Variants in PI4KA observed in about 807,000 individuals in gnomAD.
PI4KA encodes PI4-kinase alpha.
In PI4KA, 122 loss-of-function variants were observed where a neutral mutation model predicts 271.4. The ratio of observed to expected loss-of-function variants is 0.45; its 90% confidence interval spans 0.39 to 0.52. PI4KA has a LOEUF of 0.52. Among genes scored for constraint, PI4KA ranks in the 20% least tolerant of loss-of-function variants. The pLI is 0.00. For synonymous variants in PI4KA, 1,041 were observed against 1,078.8 expected (o/e 0.96, Z 0.69); for missense variants, 1,969 against 2,769.1 (o/e 0.71, Z 6.48).
chr22:20,710,889 G>C, intron 51 of PI4KA, 31 bp from the exon 52 acceptor site: 3 of 1,609,414 alleles, frequency 1.9e-6, no homozygotes, highest in Non-Finnish European at 2.5e-6. Context: ...GCCTGTGACT[G>C]GGTAGGAGCC....
intron 4 of PI4KA, 35 bp from the exon 5 acceptor site, chr22:20,820,646 T>C: frequency 1.4e-6 from 2 of 1,393,690 alleles, no homozygotes; most frequent in South Asian, 2.4e-5. Context: ...AAAAAAAACA[T>C]AAACAAAATT....
At chr22:20,741,469 C>T (rs145210153) in intron 32 of PI4KA, among the ~76,000 whole-genome samples, 312 of 152,248 alleles carry the variant, frequency 2.0e-3, no homozygotes, top group Non-Finnish European at 3.7e-3. Flanking sequence ...TAGACAACCT[C>T]CCCCAGGCGC....
Position 20,858,662 on chromosome 22 carries a change from A to G in PI4KA, c.64T>C (p.Ser22Pro). Residue 22 changes from serine to proline, a missense_variant, in exon 1 of 55, where the codon TCC becomes CCC. Physicochemically the swap from Ser to Pro is moderately conservative, Grantham distance 74. Around this residue, in one of 13 missense-constraint regions of PI4KA, gnomAD observed 540 missense variants for 555.5 expected, o/e 0.97. Transcript: ENST00000255882. ...AAGCCCCGCGAGGCGCTGGAGCCGGAGCCGGAGCAGCCGCCGCCGCCTCCG... is the reference window on the plus strand; with the variant it reads ...AAGCCCCGCGAGGCGCTGGAGCCGGGGCCGGAGCAGCCGCCGCCGCCTCCG... ...GGGGGGGCSG[S>P]GSSASRGFYF... 2.0e-6 allele frequency: 3 copies of G among 1,477,102 alleles called. No homozygotes were observed. Among genetic ancestry groups the G allele is most frequent in the Non-Finnish European group, 1.8e-6 (2 of 1,120,574 alleles). 91.5% of individuals were successfully genotyped at this position (1,477,102 alleles called of 1,614,324 possible). A position where few individuals can be genotyped will look rare whatever the true frequency, so the allele number is the denominator to read the frequency against.
At chr22:20,783,888 A>G (rs1481479427) in intron 19 of PI4KA, 19 of 1,590,020 alleles carry the variant, frequency 1.2e-5, no homozygotes, top group Admixed American at 1.0e-4. Flanking sequence ...TGAGGCCTCC[A>G]GGGAAATCAG....
At chr22:20,708,169 G>T (rs900378506) in intron 54 of PI4KA, 71 bp from the exon 55 acceptor site, 2 of 1,227,840 alleles carry the variant, frequency 1.6e-6, no homozygotes, top group East Asian at 4.6e-5. Flanking sequence ...CCCACAGGGA[G>T]CCCTACCTGT....
rs923816629 is a variant in PI4KA at position 20,838,025 on chromosome 22, G to A, written c.273+590C>T. ...AATCCCAGCTACTCAGGAGGCTGAG[G>A]CAGGAGAATCACTTGAACCCTGGAG... On this transcript the variant is annotated intron_variant, in intron 2 of 54. Transcript: ENST00000255882. Among the ~76,000 whole-genome samples, 10 of 151,834 alleles carry A rather than the reference G, an allele frequency of 6.6e-5. 1 individual carries two copies. Among genetic ancestry groups the A allele is most frequent in the African/African-American group, 2.4e-4 (10 of 41,404 alleles).
chr22:20,748,323 A>G (rs1277133454), intron 28 of PI4KA, among the ~76,000 whole-genome samples: 1 of 152,248 alleles, frequency 6.6e-6, no homozygotes, highest in East Asian at 1.9e-4. Context: ...CACCAGGCAA[A>G]TAAGCTACAA....
In PI4KA at chr22:20,799,668, T is replaced by A; in HGVS notation, c.1820+3A>T. The A allele has an allele frequency of 1.3e-6, 2 of 1,548,504 alleles. No individual in the cohort carries two copies. The highest frequency in any genetic ancestry group is 2.4e-5 in the South Asian group (2 of 83,980). On this transcript the variant is annotated splice_donor_region_variant and intron_variant, in intron 15 of 54. Coordinates refer to ENST00000255882, the MANE Select transcript of PI4KA (RefSeq NM_058004.4). ...CCTCTGAGAGACAGGAATAGGGGCG[T>A]ACTTGTCGCTCTCCTGAGAGATGTA...
chr22:20,725,825 T>G (rs542586341), intron 42 of PI4KA: 32 of 251,166 alleles, frequency 1.3e-4, no homozygotes, highest in Non-Finnish European at 2.5e-4. Context: ...GGTGGGAGGA[T>G]AGCTTGAGCC....
chr22:20,820,005 T>C, intron 5 of PI4KA, 105 bp from the exon 6 acceptor site: 1 of 1,003,026 alleles, frequency 1.0e-6, no homozygotes, highest in South Asian at 1.5e-5. Context: ...ACCCACCCAC[T>C]AATAACTGTG....
At chr22:20,733,887 G>A in intron 34 of PI4KA, 44 bp from the exon 35 acceptor site, 2 of 1,611,716 alleles carry the variant, frequency 1.2e-6, no homozygotes, top group South Asian at 2.2e-5. Context: ...AGCCTGGCCT[G>A]GGGCCAAGTT....
At chr22:20,848,237 C>CAAG (rs1569099398) in intron 1 of PI4KA, among the ~76,000 whole-genome samples, 3 of 51,226 alleles carry the variant, frequency 5.9e-5, no homozygotes, top group Non-Finnish European at 7.8e-5. Flanking sequence ...GACTCCATCT[C>CAAG]AAAAAAAAAA....
rs556274694 is a variant in PI4KA at position 20,751,308 on chromosome 22, C to A, written c.3138G>T (p.Thr1046=). 2 of 1,613,756 alleles carry A rather than the reference C, an allele frequency of 1.2e-6. No homozygotes were observed. Among genetic ancestry groups the A allele is most frequent in the Middle Eastern group, 1.6e-4 (1 of 6,062 alleles). ...TCGGGCCTACCTCACGGGCTTCGTA[C>A]GTGTCAGGAACCGTGATCCGGTAGG... ...DAPYRITVPD[T]YEARESIVKD... is the part of the protein sequence containing the mutation. Residue 1046 remains threonine (T), a synonymous_variant, in exon 27 of 55, where the codon ACG becomes ACT. Transcript: ENST00000255882.
rs373125956 is a variant in PI4KA, at chr22:20,786,904, C to A, written c.2328+6289G>T. The A allele has an allele frequency of 8.1e-6, 13 of 1,614,124 alleles. No homozygotes were observed. The African/African-American group carries it at 1.6e-4, about 20-fold the overall frequency. Reference sequence around the variant, plus strand: ...AGCACCAAGGCACGATCACAGTGAACGAGGAAGGCACCCAAGCCACCACTG... The same window carrying A: ...AGCACCAAGGCACGATCACAGTGAAAGAGGAAGGCACCCAAGCCACCACTG... On this transcript the variant is annotated intron_variant, in intron 19 of 54. Coordinates refer to ENST00000255882, the MANE Select transcript of PI4KA (RefSeq NM_058004.4).
At chr22:20,763,983 A>G (rs1480874793) in intron 22 of PI4KA, among the ~76,000 whole-genome samples, 1 of 152,216 alleles carries the variant, frequency 6.6e-6, no homozygotes, top group Non-Finnish European at 1.5e-5. Flanking sequence ...GGCAACAATG[A>G]AAGGCTAAAA....
intron 25 of PI4KA, among the ~76,000 whole-genome samples, chr22:20,752,091 T>C (rs1361023328): frequency 6.6e-6 from 1 of 152,150 alleles, no homozygotes; most frequent in Non-Finnish European, 1.5e-5. Context: ...CCATTATTTC[T>C]CACATAATGG....
chr22:20,742,429 A>G, intron 31 of PI4KA, 74 bp from the exon 32 acceptor site: 2 of 1,581,206 alleles, frequency 1.3e-6, no homozygotes, highest in Admixed American at 3.5e-5. Context: ...TGGGCCAACA[A>G]GAGTTGACCA....
rs776965328 is a variant in PI4KA, at chr22:20,751,740, G to C, written c.3003C>G (p.Leu1001=). The change falls in exon 26 of 55, where the codon CTC becomes CTG. Residue 1001 remains leucine, a synonymous_variant. Transcript: ENST00000255882. ...TGGTCTTCAGCACAGTCCCGCTCCA[G>C]AGCAAGTGGGGAAACCTGCACCAAG... ...SGLVDKFPHL[L]WSGTVLKTML... is the part of the protein sequence containing the mutation. 2 of 1,613,940 alleles carry C rather than the reference G, an allele frequency of 1.2e-6. No homozygotes were observed. Among genetic ancestry groups the C allele is most frequent in the Non-Finnish European group, 1.7e-6 (2 of 1,179,960 alleles).
intron 10 of PI4KA, among the ~76,000 whole-genome samples, chr22:20,806,116 A>G (rs965852493): frequency 6.6e-6 from 1 of 152,140 alleles, no homozygotes; most frequent in Admixed American, 6.5e-5. Context: ...CGTGGCCCAG[A>G]TGACTCAGCT....
Sources: allele counts gnomAD v4.1 joint callset (sites outside exome capture counted in the v4.1 genomes callset), GRCh38; gene constraint gnomAD v4.1.1; regional missense constraint gnomAD v4.1.1; transcripts MANE v1.5; gene names NCBI Gene and HGNC (gene_info 2026-07-23, HGNC 2026-07-21).